Variants in MUC4 observed in about 807,000 individuals in gnomAD.
The protein encoded by MUC4 is mucin 4, cell surface associated.
A neutral mutation model predicts 257.9 loss-of-function variants in MUC4; 202 were observed. The observed-to-expected ratio is 0.78, with a 90% CI of 0.70 to 0.88. MUC4 has a LOEUF of 0.88. Ranked by LOEUF, MUC4 falls within the 40% of genes least tolerant of loss-of-function variation. The probability of loss-of-function intolerance (pLI) is 0.00; values close to 1 mark genes in which losing one functional copy is unlikely to be tolerated. For missense variants in MUC4, 5,976 were observed against 6,513.7 expected (o/e 0.92, Z 2.84); for synonymous variants, 2,351 against 2,757.1 (o/e 0.85, Z 4.62).
chr3:195,770,782 G>A, intron 5 of MUC4: 1 of 447,116 alleles, frequency 2.2e-6, no homozygotes, highest in Non-Finnish European at 4.5e-6. Context: ...CACACTTCCT[G>A]CAGTAGCTTT....
At chr3:195,794,396 A>AAGAG (rs974281830) in intron 1 of MUC4, among the ~76,000 whole-genome samples, 3 of 148,252 alleles carry the variant, frequency 2.0e-5, no homozygotes, top group Non-Finnish European at 4.4e-5. Context: ...AGAGAGAAGA[A>AAGAG]AGAGAGAGAG....
chr3:195,788,828 C>G lies in MUC4; in HGVS notation c.2752G>C (p.Gly918Arg), dbSNP rs774476760. ...GACGCCAGGCTGATAGTGTCAGACCCTCTGCTGGTTCTTGTCCTCTGAGTC... is the reference window on the plus strand; with the variant it reads ...GACGCCAGGCTGATAGTGTCAGACCGTCTGCTGGTTCTTGTCCTCTGAGTC... ...AQTQRTRTSRGSDTISLASQA... is the reference protein window; with the variant it reads ...AQTQRTRTSRRSDTISLASQA... Residue 918 changes from glycine to arginine, a missense_variant, in exon 2 of 25, where the codon GGG becomes CGG. Around this residue, in one of 44 missense-constraint regions of MUC4, gnomAD observed 1,583 missense variants for 1,257.4 expected, o/e 1.26. Transcript: ENST00000463781. The G allele has an allele frequency of 1.9e-5, 31 of 1,613,742 alleles. No individual in the cohort carries two copies. Among genetic ancestry groups the G allele is most frequent in the Non-Finnish European group, 2.2e-5 (26 of 1,179,856 alleles).
Position 195,748,146 on chromosome 3 carries a change from C to A in MUC4, c.16034+756G>T, listed in dbSNP as rs1715505758. 3.9e-5 allele frequency among the ~76,000 whole-genome samples: 6 copies of A among 152,396 alleles called. 1 individual carries two copies. In the South Asian group the frequency reaches 1.2e-3, roughly 32 times the overall value. ...TTAACCAGCGGAGCCCCGGGGACTG[C>A]TGATGAGGGCAGGGGCAAAGGCGCC... On this transcript the variant is annotated intron_variant, in intron 24 of 24. Transcript: ENST00000463781.
chr3:195,778,522 C>T, intron 2 of MUC4, 67 bp from the exon 3 acceptor site: 7 of 1,580,564 alleles, frequency 4.4e-6, no homozygotes, highest in Non-Finnish European at 6.0e-6. Flanking sequence ...CAAAGAGATT[C>T]AAAGAAATCA....
intron 13 of MUC4, 29 bp downstream of exon 13, chr3:195,762,826 G>A: frequency 2.7e-6 from 4 of 1,488,076 alleles, no homozygotes; most frequent in Non-Finnish European, 2.7e-6. Context: ...CCGGTGCGGG[G>A]AGGGGGCGGC....
Position 195,760,893 on chromosome 3 carries a change from C to G in MUC4, c.14839G>C (p.Ala4947Pro), listed in dbSNP as rs1248765989. 6.2e-7 allele frequency: 1 copy of G among 1,614,038 alleles called. No homozygotes were observed. Among genetic ancestry groups the G allele is most frequent in the East Asian group, 2.2e-5 (1 of 44,894 alleles). Residue 4947 changes from alanine (A) to proline (P), a missense_variant, in exon 16 of 25, where the codon GCC becomes CCC. Coordinates refer to ENST00000463781, the MANE Select transcript of MUC4 (RefSeq NM_018406.7). ...EVSKNYEQAN[A>P]TLNQYPPSIN... ...GCCTCGGGCCACTTACTGAGGGTGG[C>G]GTTCGCCTGCTCGTAGTTTTTACTG...
intron 7 of MUC4, among the ~76,000 whole-genome samples, chr3:195,767,895 C>T (rs1165009209): frequency 1.1e-4 from 15 of 131,736 alleles, no homozygotes; most frequent in East Asian, 1.0e-3. Context: ...ATCACCACCA[C>T]CATCACCACC....
chr3:195,759,451 C>T (rs1718331072), intron 16 of MUC4, among the ~76,000 whole-genome samples, 190 bp from the exon 17 acceptor site: 1 of 152,154 alleles, frequency 6.6e-6, no homozygotes, highest in African/African-American at 2.4e-5. Context: ...GCCCACCTAG[C>T]CAAATCTTTA....
chr3:195,760,544 G>GCGTCCAGCGCTA lies in MUC4; in HGVS notation c.14848+339_14848+340insTAGCGCTGGACG, dbSNP rs1560239050. On this transcript the variant is annotated intron_variant, in intron 16 of 24. Coordinates refer to ENST00000463781, the MANE Select transcript of MUC4 (RefSeq NM_018406.7). Reference sequence around the variant, plus strand: ...AGGATGGATGGAGGGGGCTGGGAAGGGGTCCAGCGCTAGGATGGAGTGGAG... The same window carrying GCGTCCAGCGCTA: ...AGGATGGATGGAGGGGGCTGGGAAGGCGTCCAGCGCTAGGTCCAGCGCTAGGATGGAGTGGAG... Among the ~76,000 whole-genome samples, 97 of 112,692 alleles carry GCGTCCAGCGCTA rather than the reference G, an allele frequency of 8.6e-4. 6 individuals are homozygous for GCGTCCAGCGCTA. Among genetic ancestry groups the GCGTCCAGCGCTA allele is most frequent in the Non-Finnish European group, 1.4e-3 (64 of 44,730 alleles). 73.9% of individuals were successfully genotyped at this position (112,692 alleles called of 152,430 possible).
In MUC4 at chr3:195,790,654, G is replaced by A. The variant is rs1733745902; in HGVS notation, c.926C>T (p.Thr309Ile). The A allele has an allele frequency of 8.1e-6, 13 of 1,614,006 alleles. No individual in the cohort carries two copies. The highest frequency in any genetic ancestry group is 1.0e-5 in the Non-Finnish European group (12 of 1,179,890). The change falls in exon 2 of 25, where the codon ACT becomes ATT. Residue 309 changes from threonine (T) to isoleucine (I), a missense_variant. Physicochemically the swap from Thr to Ile is moderately conservative, Grantham distance 89. Around this residue, in one of 44 missense-constraint regions of MUC4, gnomAD observed 1,583 missense variants for 1,257.4 expected, o/e 1.26. Transcript: ENST00000463781. ...GTCCTGAGTAGAAGTCCTTGAGAAA[G>A]TTGCTGGTGATTGTCCTTCTGGATC... ...TFDPEGQSPA[T>I]FSRTSTQDTT...
chr3:195,785,512 G>T lies in MUC4; in HGVS notation c.6068C>A (p.Ser2023Tyr). 2 of 1,521,682 alleles carry T rather than the reference G, an allele frequency of 1.3e-6. No individual in the cohort carries two copies. The highest frequency in any genetic ancestry group is 1.8e-6 in the Non-Finnish European group (2 of 1,127,236). The allele number at this position is 1,521,682 out of a possible 1,614,324, so 94.3% of individuals were successfully genotyped here. Residue 2023 changes from serine (S) to tyrosine (Y), a missense_variant, in exon 2 of 25, where the codon TCC becomes TAC. By Grantham distance (144) the Ser-to-Tyr change is moderately radical. Around this residue, in one of 44 missense-constraint regions of MUC4, gnomAD observed 51 missense variants for 45.1 expected, o/e 1.13. Transcript: ENST00000463781. ...QATPLPVTSLSSASTGDTTPL... is the reference protein window; with the variant it reads ...QATPLPVTSLYSASTGDTTPL... ...CGTGGTGTCACCAGTGGATGCTGAGGAAAGGCTGGTGACAGGAAGAGGGGT... is the reference window on the plus strand; with the variant it reads ...CGTGGTGTCACCAGTGGATGCTGAGTAAAGGCTGGTGACAGGAAGAGGGGT...
rs569574844 is a variant in MUC4 at position 195,801,393 on chromosome 3, C to A, written c.83-9896G>T. On this transcript the variant is annotated intron_variant, in intron 1 of 24. Transcript: ENST00000463781. ...CTTCACTGAAAGAACCAAAGCCGTG[C>A]CCTTCATCTCCTTCAATGCCCAGAG... 2.6e-5 allele frequency among the ~76,000 whole-genome samples: 4 copies of A among 151,326 alleles called. No homozygotes were observed. In the South Asian group the frequency reaches 8.4e-4, roughly 32 times the overall value.
At chr3:195,807,917 C>T (rs1247888436) in intron 1 of MUC4, among the ~76,000 whole-genome samples, 1 of 152,244 alleles carries the variant, frequency 6.6e-6, no homozygotes, top group Non-Finnish European at 1.5e-5. Context: ...TCTGCCTCCA[C>T]GGCTGAGCCC....
At position 195,781,271 on chromosome 3, in the gene MUC4, G is replaced by A. The variant is rs757365908; in HGVS notation, c.10309C>T (p.His3437Tyr). ...VTSTSSASTGHATPVPVTSTS... is the reference protein window; with the variant it reads ...VTSTSSASTGYATPVPVTSTS... ...CTGGTGACAGGAACAGGGGTGGCGT[G>A]ACCGGTGGATGCTGAGGAAGTGCTG... Residue 3437 changes from histidine (H) to tyrosine (Y), a missense_variant, in exon 2 of 25, where the codon CAC (histidine) becomes TAC (tyrosine). This residue lies in a region of MUC4 where 297 missense variants were observed against 240.9 expected (regional missense o/e 1.23). Transcript: ENST00000463781. The A allele has an allele frequency of 2.7e-6, 4 of 1,497,738 alleles. No homozygotes were observed. Among genetic ancestry groups the A allele is most frequent in the South Asian group, 1.2e-5 (1 of 80,712 alleles). The allele number at this position is 1,497,738 out of a possible 1,614,324, so 92.8% of individuals were successfully genotyped here. A position where few individuals can be genotyped will look rare whatever the true frequency, so the allele number is the denominator to read the frequency against.
intron 4 of MUC4, among the ~76,000 whole-genome samples, chr3:195,773,181 G>A (rs1177934543): frequency 6.8e-6 from 1 of 147,260 alleles, no homozygotes; most frequent in Non-Finnish European, 1.5e-5. Context: ...GCTCAGGGGT[G>A]CAGACACCCC....
Position 195,786,467 on chromosome 3 carries a change from C to T in MUC4, c.5113G>A (p.Ala1705Thr), listed in dbSNP as rs1560376343. Residue 1705 changes from alanine (A) to threonine (T), a missense_variant, in exon 2 of 25, where the codon GCA becomes ACA. By Grantham distance (58) the Ala-to-Thr change is moderately conservative. Coordinates refer to ENST00000463781, the MANE Select transcript of MUC4 (RefSeq NM_018406.7). ...AGAGGGGTGGCCTGACCTGTGGATG[C>T]CGAGGAAACGTCGGTGACAGGAAGA... Reference protein sequence around the residue: ...TRLPVTDVSSASTGQATPLPV... With the variant: ...TRLPVTDVSSTSTGQATPLPV... 3.3e-6 allele frequency: 5 copies of T among 1,524,238 alleles called. 1 individual carries two copies. Among genetic ancestry groups the T allele is most frequent in the South Asian group, 2.4e-5 (2 of 82,892 alleles). 94.4% of individuals were successfully genotyped at this position (1,524,238 alleles called of 1,614,324 possible). A position where few individuals can be genotyped will look rare whatever the true frequency, so the allele number is the denominator to read the frequency against.
chr3:195,765,250 G>GA lies in MUC4; in HGVS notation c.13798+19_13798+20insT. On this transcript the variant is annotated intron_variant, in intron 9 of 24. Coordinates refer to ENST00000463781, the MANE Select transcript of MUC4 (RefSeq NM_018406.7). Reference sequence around the variant, plus strand: ...AGAGGGTGGTGGGTGGGCTTGTGGGGGGCGGGAAGGAGGTGTCACCTATGC... The same window carrying GA: ...AGAGGGTGGTGGGTGGGCTTGTGGGGAGGCGGGAAGGAGGTGTCACCTATGC... 6.3e-7 allele frequency: 1 copy of GA among 1,598,786 alleles called. No homozygotes were observed. Among genetic ancestry groups the GA allele is most frequent in the Non-Finnish European group, 8.5e-7 (1 of 1,170,232 alleles).
intron 3 of MUC4, among the ~76,000 whole-genome samples, chr3:195,775,586 A>G (rs1724333764): frequency 7.7e-6 from 1 of 130,056 alleles, no homozygotes; most frequent in Non-Finnish European, 1.6e-5. Flanking sequence ...CATACCTTCC[A>G]CACCCATACC....
Position 195,779,557 on chromosome 3 carries a change from G to T in MUC4, c.12023C>A (p.Ser4008Ter). 1.4e-6 allele frequency: 2 copies of T among 1,381,900 alleles called. No individual in the cohort carries two copies. Among genetic ancestry groups the T allele is most frequent in the African/African-American group, 1.7e-5 (1 of 59,852 alleles). 85.6% of individuals were successfully genotyped at this position (1,381,900 alleles called of 1,614,324 possible). A position where few individuals can be genotyped will look rare whatever the true frequency, so the allele number is the denominator to read the frequency against. Residue 4008 changes from serine to a stop codon, truncating the protein, a stop_gained, in exon 2 of 25, where the codon TCA becomes TAA. Coordinates refer to ENST00000463781, the MANE Select transcript of MUC4 (RefSeq NM_018406.7). LOFTEE classifies it high-confidence loss of function. Reference sequence around the variant, plus strand: ...AGGGGTGGCGTGACCTGTAGATACTGAGGAAGTGCTGGTGACAGGAAGAGG... The same window carrying T: ...AGGGGTGGCGTGACCTGTAGATACTTAGGAAGTGCTGGTGACAGGAAGAGG... ...ATPLPVTSTS[S>*]VSTGHATPLP...
Sources: allele counts gnomAD v4.1 joint callset (sites outside exome capture counted in the v4.1 genomes callset), GRCh38; gene constraint gnomAD v4.1.1; regional missense constraint gnomAD v4.1.1; transcripts MANE v1.5; gene names NCBI Gene and HGNC (gene_info 2026-07-23, HGNC 2026-07-21).